FNDC3B: variants seen among roughly 807,000 people sequenced by gnomAD.
FNDC3B encodes fibronectin type III domain-containing protein 3B.
FNDC3B carries 12 observed loss-of-function variants against 151.5 expected under a neutral mutation model. The observed-to-expected ratio is 0.08, with a 90% confidence interval of 0.05 to 0.13. FNDC3B has a LOEUF of 0.13. Among genes scored for constraint, FNDC3B ranks in the 10% least tolerant of loss-of-function variants. FNDC3B has a pLI of 1.00. For synonymous variants in FNDC3B, 528 were observed against 549.0 expected (o/e 0.96, Z 0.54); for missense variants, 1,214 against 1,505.3 (o/e 0.81, Z 3.20).
At chr3:172,178,504 G>T (rs1723723246) in intron 3 of FNDC3B, among the ~76,000 whole-genome samples, 1 of 152,084 alleles carries the variant, frequency 6.6e-6, no homozygotes, top group Non-Finnish European at 1.5e-5. Context: ...CAATACTTAT[G>T]CTTTTTCTTT....
At chr3:172,333,636 G>A (rs1028912880) in intron 14 of FNDC3B, among the ~76,000 whole-genome samples, 6 of 151,766 alleles carry the variant, frequency 4.0e-5, no homozygotes, top group African/African-American at 7.3e-5. Context: ...GAGCCACTGC[G>A]CCTGGCCCAT....
rs374592437 is a variant in FNDC3B, at chr3:172,344,224, A to G, written c.2216A>G (p.Tyr739Cys). The G allele has an allele frequency of 4.3e-6, 7 of 1,613,938 alleles. No individual in the cohort carries two copies. The highest frequency in any genetic ancestry group is 5.1e-6 in the Non-Finnish European group (6 of 1,179,954). ...GGCAACCTGCTTCCTGGAACCGTGTATCGCTTCCGGGTGAGGGCTCTGAAT... is the reference window on the plus strand; with the variant it reads ...GGCAACCTGCTTCCTGGAACCGTGTGTCGCTTCCGGGTGAGGGCTCTGAAT... ...TVGNLLPGTVYRFRVRALNDG... is the reference protein window; with the variant it reads ...TVGNLLPGTVCRFRVRALNDG... The change falls in exon 19 of 26, where the codon TAT becomes TGT. Residue 739 changes from tyrosine (Y) to cysteine (C), a missense_variant. By Grantham distance (194) the Tyr-to-Cys change is radical. Around this residue, in one of 7 missense-constraint regions of FNDC3B, gnomAD observed 380 missense variants for 420.9 expected, o/e 0.90. Coordinates refer to ENST00000415807, the MANE Select transcript of FNDC3B (RefSeq NM_022763.4).
At chr3:172,347,468 T>G in intron 21 of FNDC3B, 107 bp downstream of exon 21, 1 of 798,650 alleles carries the variant, frequency 1.3e-6, no homozygotes, top group Middle Eastern at 2.5e-4. Context: ...GGAGGGATGA[T>G]ATGGAAAAAA....
Position 172,092,452 on chromosome 3 carries a change from A to C in FNDC3B, c.-28-20000A>C, listed in dbSNP as rs146220466. ...TTGCTCAATACACATTATTATGTGG[A>C]TGTAAAACGTGGACTGAATGGAGGA... On this transcript the variant is annotated intron_variant, in intron 1 of 25. Transcript: ENST00000415807. Among the ~76,000 whole-genome samples, 105 of 152,330 alleles carry C rather than the reference A, an allele frequency of 6.9e-4. 1 individual carries two copies. Among genetic ancestry groups the C allele is most frequent in the African/African-American group, 2.3e-3 (96 of 41,566 alleles).
At chr3:172,145,496 C>T (rs925387742) in intron 3 of FNDC3B, among the ~76,000 whole-genome samples, 3 of 152,208 alleles carry the variant, frequency 2.0e-5, no homozygotes, top group Admixed American at 2.0e-4. Context: ...TCTTGAAGTG[C>T]TGAGTCTTCA....
At chr3:172,066,334 C>T (rs1272504587) in intron 1 of FNDC3B, among the ~76,000 whole-genome samples, 1 of 152,218 alleles carries the variant, frequency 6.6e-6, no homozygotes, top group Non-Finnish European at 1.5e-5. Flanking sequence ...CACATATGAT[C>T]TTGTGTACCT....
intron 6 of FNDC3B, among the ~76,000 whole-genome samples, chr3:172,283,697 C>G (rs1420537420): frequency 6.6e-6 from 1 of 152,102 alleles, no homozygotes; most frequent in Admixed American, 6.5e-5. Flanking sequence ...ACAACTGAAC[C>G]AGTTCATTTA....
chr3:172,396,629 T>C (rs979610514), intron 25 of FNDC3B, among the ~76,000 whole-genome samples: 1 of 152,212 alleles, frequency 6.6e-6, no homozygotes, highest in Non-Finnish European at 1.5e-5. Flanking sequence ...CGTTACTGCC[T>C]GAGCTCTGCC....
At chr3:172,128,153 C>T (rs190869396) in intron 2 of FNDC3B, among the ~76,000 whole-genome samples, 87 of 152,192 alleles carry the variant, frequency 5.7e-4, no homozygotes, top group Non-Finnish European at 9.7e-4. Context: ...CTTGAGTTCC[C>T]AGTGTTTGCT....
chr3:172,203,491 A>C (rs1219925389), intron 3 of FNDC3B, among the ~76,000 whole-genome samples: 2 of 152,280 alleles, frequency 1.3e-5, no homozygotes, highest in Non-Finnish European at 2.9e-5. Context: ...TTTCTGAGCC[A>C]TCAATTCTTA....
intron 17 of FNDC3B, 33 bp downstream of exon 17, chr3:172,341,264 A>T (rs1733306179): frequency 1.4e-6 from 2 of 1,466,598 alleles, no homozygotes; most frequent in Non-Finnish European, 1.9e-6. Context: ...AGTAAACCTC[A>T]TTGATCAAAT....
intron 25 of FNDC3B, among the ~76,000 whole-genome samples, chr3:172,395,571 C>T (rs1736231655): frequency 6.6e-6 from 1 of 152,058 alleles, no homozygotes. Context: ...GACAGACCAC[C>T]AAATTATTTA....
At chr3:172,345,134 AG>A (rs1457304838) in intron 19 of FNDC3B, among the ~76,000 whole-genome samples, 1 of 152,264 alleles carries the variant, frequency 6.6e-6, no homozygotes, top group Non-Finnish European at 1.5e-5. Context: ...AAGGAATAAA[AG>A]AAGGGCTATT....
chr3:172,175,555 G>A (rs181701627), intron 3 of FNDC3B, among the ~76,000 whole-genome samples: 2 of 152,260 alleles, frequency 1.3e-5, no homozygotes, highest in Non-Finnish European at 2.9e-5. Context: ...ACCTCAAATA[G>A]TTCTTCATTT....
At chr3:172,192,852 A>G (rs6445042) in intron 3 of FNDC3B, among the ~76,000 whole-genome samples, 100,213 of 151,732 alleles carry the variant, frequency 0.66, 33,323 homozygotes, top group African/African-American at 0.73. Context: ...GTTGACTGTA[A>G]CAAATGCAGT....
intron 25 of FNDC3B, among the ~76,000 whole-genome samples, chr3:172,387,879 G>T (rs1306681480): frequency 2.0e-5 from 3 of 152,220 alleles, no homozygotes; most frequent in Non-Finnish European, 4.4e-5. Context: ...TTTGGCTCAA[G>T]GACAAAGTTA....
intron 11 of FNDC3B, among the ~76,000 whole-genome samples, chr3:172,326,382 C>G (rs1732342084): frequency 6.6e-6 from 1 of 152,102 alleles, no homozygotes; most frequent in Non-Finnish European, 1.5e-5. Context: ...CTAGGTGTCC[C>G]TAAGTTTATG....
At chr3:172,039,832 C>A (rs1053755075) in intron 1 of FNDC3B, 61 bp downstream of exon 1, 1 of 152,458 alleles carries the variant, frequency 6.6e-6, no homozygotes, top group Non-Finnish European at 1.5e-5. Context: ...ATCGCCGGGT[C>A]CCGGTGCACT....
At chr3:172,298,955 A>G (rs1730770184) in intron 9 of FNDC3B, among the ~76,000 whole-genome samples, 168 bp downstream of exon 9, 1 of 152,252 alleles carries the variant, frequency 6.6e-6, no homozygotes, top group African/African-American at 2.4e-5. Context: ...AACTGGGAAG[A>G]CACAGAAGCG....
Sources: allele counts gnomAD v4.1 joint callset (sites outside exome capture counted in the v4.1 genomes callset), GRCh38; gene constraint gnomAD v4.1.1; regional missense constraint gnomAD v4.1.1; transcripts MANE v1.5; gene names NCBI Gene and HGNC (gene_info 2026-07-23, HGNC 2026-07-21).